Variants in GPAT4 observed in about 807,000 individuals in gnomAD.
The protein encoded by GPAT4 is 1-AGP acyltransferase 6.
GPAT4 carries 17 observed loss-of-function variants against 58.0 expected under a neutral mutation model. That is an observed-to-expected ratio of 0.29 (90% CI 0.20 to 0.44). GPAT4 has a LOEUF of 0.44. Ranked by LOEUF, GPAT4 falls within the 20% of genes least tolerant of loss-of-function variation. The pLI is 1.00. For synonymous variants in GPAT4, 204 were observed against 210.1 expected, an observed-to-expected ratio of 0.97 and a Z score of 0.25; for missense variants, 377 against 574.5, an observed-to-expected ratio of 0.66 and a Z score of 3.51.
intron 1 of GPAT4, among the ~76,000 whole-genome samples, chr8:41,578,787 T>G (rs1024489790): frequency 1.3e-5 from 2 of 152,224 alleles, no homozygotes; most frequent in Non-Finnish European, 1.5e-5. Flanking sequence ...CCCTTGCCTT[T>G]CCTTTTTTAT....
At chr8:41,581,799 T>C (rs1215508945) in intron 1 of GPAT4, among the ~76,000 whole-genome samples, 9 of 150,684 alleles carry the variant, frequency 6.0e-5, no homozygotes, top group Non-Finnish European at 1.2e-4. Flanking sequence ...CGGCTAATTT[T>C]TTTTTTGTAT....
chr8:41,623,305 G>A lies in GPAT4; in HGVS notation c.*2304G>A, dbSNP rs1803813308. 2 of 152,252 alleles carry A rather than the reference G, an allele frequency of 1.3e-5. No individual in the cohort carries two copies. Among genetic ancestry groups the A allele is most frequent in the Admixed American group, 1.3e-4 (2 of 15,282 alleles). 9.4% of individuals were successfully genotyped at this position (152,252 alleles called of 1,614,324 possible). A position where few individuals can be genotyped will look rare whatever the true frequency, so the allele number is the denominator to read the frequency against. ...AAGTGACCCATAGTCAGAGTATCTG[G>A]TTTGGGGTAACCGAGTTGGTCTTAT... On this transcript the variant is annotated 3_prime_UTR_variant, in exon 13 of 13. Coordinates refer to ENST00000396987, the MANE Select transcript of GPAT4 (RefSeq NM_178819.4).
chr8:41,596,630 C>T lies in GPAT4; in HGVS notation c.-848-1662C>T, dbSNP rs189103074. Among the ~76,000 whole-genome samples, 62 of 152,342 alleles carry T rather than the reference C, an allele frequency of 4.1e-4. 1 individual carries two copies. The highest frequency in any genetic ancestry group is 1.4e-3 in the African/African-American group (57 of 41,584). ...CATGGGGCAATTGCCTACCCAGGAGCGCTCTTTGGATCCACATTGCTCAGG... is the reference window on the plus strand; with the variant it reads ...CATGGGGCAATTGCCTACCCAGGAGTGCTCTTTGGATCCACATTGCTCAGG... On this transcript the variant is annotated intron_variant, in intron 1 of 12. Transcript: ENST00000396987.
intron 9 of GPAT4, among the ~76,000 whole-genome samples, 178 bp downstream of exon 9, chr8:41,614,619 A>G (rs990970942): frequency 1.3e-5 from 2 of 152,186 alleles, no homozygotes; most frequent in Non-Finnish European, 1.5e-5. Context: ...TCAGAATTTG[A>G]ACTAAGAATG....
intron 12 of GPAT4, among the ~76,000 whole-genome samples, chr8:41,619,612 A>G (rs1803691973): frequency 6.6e-6 from 1 of 152,170 alleles, no homozygotes; most frequent in African/African-American, 2.4e-5. Flanking sequence ...CTTATACTAG[A>G]GTATGAGGTA....
At chr8:41,617,832 TC>T (rs1173635743) in intron 10 of GPAT4, among the ~76,000 whole-genome samples, 1 of 152,194 alleles carries the variant, frequency 6.6e-6, no homozygotes, top group Non-Finnish European at 1.5e-5. Flanking sequence ...GTGTACAGGA[TC>T]CCTTCAGACA....
intron 2 of GPAT4, among the ~76,000 whole-genome samples, chr8:41,608,792 G>A (rs868128093): frequency 6.7e-6 from 1 of 150,364 alleles, no homozygotes; most frequent in Admixed American, 6.7e-5. Context: ...CGCAGCTAGT[G>A]AATGTAAACT....
At chr8:41,612,354 C>A in intron 7 of GPAT4, 81 bp downstream of exon 7, 2 of 1,391,416 alleles carry the variant, frequency 1.4e-6, no homozygotes, top group Non-Finnish European at 2.0e-6. Context: ...CTGGACCCTT[C>A]ACATAAACAC....
chr8:41,589,359 GCGGGA>G (rs367827479), intron 1 of GPAT4, among the ~76,000 whole-genome samples: 1,344 of 129,996 alleles, frequency 0.01, 34 homozygotes, highest in African/African-American at 0.038. Flanking sequence ...GTGGGGTGTG[GCGGGA>G]TGGGATGGGG....
chr8:41,582,444 T>TAC (rs71548104), intron 1 of GPAT4, among the ~76,000 whole-genome samples: 8,127 of 141,618 alleles, frequency 0.057, 283 homozygotes, highest in Admixed American at 0.1. Flanking sequence ...TGGGAAAGTA[T>TAC]ACACACACAC....
At chr8:41,610,294 T>C (rs1031406312) in intron 4 of GPAT4, 1 of 1,229,408 alleles carries the variant, frequency 8.1e-7, no homozygotes, top group African/African-American at 1.5e-5. Context: ...ACAGGGGCAG[T>C]ATTGATCTTT....
At chr8:41,591,633 G>C (rs1192112232) in intron 1 of GPAT4, among the ~76,000 whole-genome samples, 2 of 152,202 alleles carry the variant, frequency 1.3e-5, no homozygotes, top group South Asian at 2.1e-4. Flanking sequence ...GTAGTAAGCA[G>C]GTTCCTATTA....
At chr8:41,611,787 G>T in intron 5 of GPAT4, 116 bp from the exon 6 acceptor site, 2 of 853,226 alleles carry the variant, frequency 2.3e-6, no homozygotes, top group Non-Finnish European at 3.8e-6. Flanking sequence ...TGTAGGTGCT[G>T]ATGTCTATAC....
chr8:41,583,457 A>T (rs532822317), intron 1 of GPAT4, among the ~76,000 whole-genome samples: 47 of 152,210 alleles, frequency 3.1e-4, no homozygotes, highest in African/African-American at 6.5e-4. Flanking sequence ...AAATTTTTTT[A>T]AAAAAATTGT....
rs1179967592 is a variant in GPAT4, at chr8:41,598,990, G to C, written c.-150G>C. On this transcript the variant is annotated 5_prime_UTR_variant, in exon 2 of 13. Transcript: ENST00000396987. ...ATTCTGTTCCCAGGCCTTCTATTCA[G>C]GCGGTTGAAGGGTGTGGACTTTGGA... 4.9e-6 allele frequency: 5 copies of C among 1,010,544 alleles called. No individual in the cohort carries two copies. The highest frequency in any genetic ancestry group is 5.7e-6 in the Non-Finnish European group (4 of 697,872). The allele number at this position is 1,010,544 out of a possible 1,614,324, so 62.6% of individuals were successfully genotyped here.
In GPAT4 at chr8:41,608,221, G is replaced by A. The variant is rs868545026; in HGVS notation, c.166-1195G>A. On this transcript the variant is annotated intron_variant, in intron 2 of 12. Transcript: ENST00000396987. Reference sequence around the variant, plus strand: ...TGAGGTCAGATCACTGATTAAACTCGCGTGCAGCATTCGGCTTTGCTGGAC... The same window carrying A: ...TGAGGTCAGATCACTGATTAAACTCACGTGCAGCATTCGGCTTTGCTGGAC... 5.3e-5 allele frequency among the ~76,000 whole-genome samples: 8 copies of A among 152,196 alleles called. No homozygotes were observed. The East Asian group carries it at 5.8e-4, about 11-fold the overall frequency.
intron 1 of GPAT4, among the ~76,000 whole-genome samples, chr8:41,585,419 C>T (rs967593657): frequency 5.9e-5 from 9 of 152,066 alleles, no homozygotes; most frequent in African/African-American, 1.9e-4. Flanking sequence ...TTCCGAGGCT[C>T]GGTTATTTGA....
intron 2 of GPAT4, among the ~76,000 whole-genome samples, chr8:41,604,364 A>T (rs1396814474): frequency 6.6e-6 from 1 of 152,150 alleles, no homozygotes; most frequent in Non-Finnish European, 1.5e-5. Context: ...CATGGAGAGG[A>T]TATGGGTGGA....
Position 41,609,974 on chromosome 8 carries a change from G to A in GPAT4, c.536+19G>A. 1 of 1,577,956 alleles carries A rather than the reference G, an allele frequency of 6.3e-7. No homozygotes were observed. The highest frequency in any genetic ancestry group is 8.6e-7 in the Non-Finnish European group (1 of 1,160,392). Reference sequence around the variant, plus strand: ...CGCTCAGGTGAGGCAGGGCCTGCGGGAGTGGGGCTCGCTGCTGCCACCCCA... The same window carrying A: ...CGCTCAGGTGAGGCAGGGCCTGCGGAAGTGGGGCTCGCTGCTGCCACCCCA... On this transcript the variant is annotated intron_variant, in intron 4 of 12. Coordinates refer to ENST00000396987, the MANE Select transcript of GPAT4 (RefSeq NM_178819.4).
Sources: allele counts gnomAD v4.1 joint callset (sites outside exome capture counted in the v4.1 genomes callset), GRCh38; gene constraint gnomAD v4.1.1; transcripts MANE v1.5; gene names NCBI Gene and HGNC (gene_info 2026-07-23, HGNC 2026-07-21).